The following LOC128125817 variants were observed in gnomAD, a reference collection of about 807,000 sequenced individuals.
chr1:41,628,795 C>G, the LOC128125817 span: 1 of 1,232,052 alleles, frequency 8.1e-7, no homozygotes, highest in Non-Finnish European at 1.0e-6. Context: ...AAACGCTGTT[C>G]TCTCTGAAAG....
the LOC128125817 span, among the ~76,000 whole-genome samples, chr1:41,604,220 G>T: frequency 1.3e-5 from 2 of 152,104 alleles, no homozygotes; most frequent in Non-Finnish European, 2.9e-5. Flanking sequence ...AAAACACAAA[G>T]AAGAATTTTC....
chr1:41,604,219 A>C, the LOC128125817 span, among the ~76,000 whole-genome samples: 46 of 152,252 alleles, frequency 3.0e-4, no homozygotes, highest in Non-Finnish European at 5.9e-4. Flanking sequence ...AAAAACACAA[A>C]GAAGAATTTT....
the LOC128125817 span, among the ~76,000 whole-genome samples, chr1:41,589,826 C>A: frequency 5.3e-5 from 8 of 152,266 alleles, no homozygotes; most frequent in Non-Finnish European, 1.0e-4. Context: ...ACACACACAC[C>A]CCCACATATC....
the LOC128125817 span, among the ~76,000 whole-genome samples, chr1:41,625,527 G>A: frequency 2.6e-5 from 4 of 152,102 alleles, no homozygotes; most frequent in East Asian, 1.9e-4. Context: ...CAGAGGTGTC[G>A]CTAATAACAT....
the LOC128125817 span, among the ~76,000 whole-genome samples, chr1:41,621,933 A>G: frequency 5.3e-5 from 8 of 152,292 alleles, no homozygotes; most frequent in African/African-American, 7.2e-5. Flanking sequence ...ACCTTCCTCT[A>G]TCAAGCTCAG....
the LOC128125817 span, among the ~76,000 whole-genome samples, chr1:41,593,881 G>A: frequency 6.6e-6 from 1 of 152,232 alleles, no homozygotes; most frequent in Non-Finnish European, 1.5e-5. Context: ...CCCTAGAGGA[G>A]AATCCCTTTC....
At chr1:41,617,848 AT>A in the LOC128125817 span, among the ~76,000 whole-genome samples, 1 of 151,656 alleles carries the variant, frequency 6.6e-6, no homozygotes, top group Non-Finnish European at 1.5e-5. Context: ...GAAGATGCCA[AT>A]GGCTTTGGAA....
At chr1:41,602,482 T>C in the LOC128125817 span, among the ~76,000 whole-genome samples, 2 of 152,152 alleles carry the variant, frequency 1.3e-5, no homozygotes, top group Admixed American at 1.3e-4. Context: ...TGTATTTTTC[T>C]GGGAACATAT....
At chr1:41,606,631 C>T in the LOC128125817 span, among the ~76,000 whole-genome samples, 923 of 151,950 alleles carry the variant, frequency 6.1e-3, 8 homozygotes, top group Non-Finnish European at 8.6e-3. Flanking sequence ...ATTTTGGGTT[C>T]CTTTTTTGAT....
chr1:41,585,774 C>T, the LOC128125817 span, among the ~76,000 whole-genome samples: 1 of 152,152 alleles, frequency 6.6e-6, no homozygotes, highest in Non-Finnish European at 1.5e-5. Context: ...GGCCCAATGA[C>T]ATTGGAGATG....
the LOC128125817 span, among the ~76,000 whole-genome samples, chr1:41,608,189 T>C: frequency 2.6e-5 from 4 of 152,206 alleles, no homozygotes; most frequent in Admixed American, 2.0e-4. Context: ...GTGGCAGTCA[T>C]GGAAAGGTTC....
At chr1:41,619,461 T>C in the LOC128125817 span, among the ~76,000 whole-genome samples, 1 of 152,244 alleles carries the variant, frequency 6.6e-6, no homozygotes, top group Non-Finnish European at 1.5e-5. Flanking sequence ...TGCATGTGTG[T>C]GTAGTGACGA....
the LOC128125817 span, among the ~76,000 whole-genome samples, chr1:41,627,711 C>T: frequency 1.3e-5 from 2 of 152,162 alleles, no homozygotes; most frequent in Non-Finnish European, 2.9e-5. Context: ...GAAATGTTGC[C>T]TTGGAAATCT....
the LOC128125817 span, among the ~76,000 whole-genome samples, chr1:41,621,478 C>T: frequency 2.0e-5 from 3 of 152,236 alleles, no homozygotes; most frequent in African/African-American, 7.2e-5. Flanking sequence ...CACTCCCCAC[C>T]CTGAGCTCAG....
At chr1:41,622,693 T>C in the LOC128125817 span, among the ~76,000 whole-genome samples, 1 of 152,190 alleles carries the variant, frequency 6.6e-6, no homozygotes, top group African/African-American at 2.4e-5. Flanking sequence ...TGGGTGGATT[T>C]TAAGCAGCAG....
the LOC128125817 span, among the ~76,000 whole-genome samples, chr1:41,626,194 C>T: frequency 6.6e-6 from 1 of 151,582 alleles, no homozygotes; most frequent in African/African-American, 2.4e-5. Flanking sequence ...CCCTCCCCAG[C>T]ACCGGGGCGT....
chr1:41,608,727 C>T, the LOC128125817 span, among the ~76,000 whole-genome samples: 15 of 152,272 alleles, frequency 9.9e-5, no homozygotes, highest in Admixed American at 5.9e-4. Context: ...TTCCGTCCCA[C>T]GGATGACTTC....
the LOC128125817 span, among the ~76,000 whole-genome samples, chr1:41,607,398 T>C: frequency 1.3e-4 from 20 of 152,218 alleles, no homozygotes; most frequent in Non-Finnish European, 1.9e-4. Flanking sequence ...TCCATAATGA[T>C]ATTTTACAAT....
At chr1:41,620,200 G>T in the LOC128125817 span, among the ~76,000 whole-genome samples, 1 of 152,192 alleles carries the variant, frequency 6.6e-6, no homozygotes, top group African/African-American at 2.4e-5. Context: ...CCTGACAGGT[G>T]GCACAGGTGG....
Sources: allele counts gnomAD v4.1 joint callset (sites outside exome capture counted in the v4.1 genomes callset), GRCh38; gene constraint gnomAD v4.1.1; transcripts MANE v1.5.